The following HS3ST5 variants were observed in gnomAD, a reference collection of about 807,000 sequenced individuals.
HS3ST5 encodes heparan sulfate glucosamine 3-O-sulfotransferase 5.
In HS3ST5, 10 loss-of-function variants were observed where a neutral mutation model predicts 25.4. The ratio of observed to expected loss-of-function variants is 0.39; its 90% CI spans 0.24 to 0.67. The LOEUF (loss-of-function observed/expected upper bound fraction) is 0.67. Ranked by LOEUF, HS3ST5 falls within the 30% of genes least tolerant of loss-of-function variation. The pLI, the probability that HS3ST5 is intolerant of heterozygous loss-of-function variation, is 0.44. For synonymous variants in HS3ST5, 170 were observed against 162.4 expected (o/e 1.05, Z -0.36); for missense variants, 324 against 420.7 (o/e 0.77, Z 2.01).
At chr6:114,108,543 A>C (rs892425642) in intron 3 of HS3ST5, among the ~76,000 whole-genome samples, 8 of 152,044 alleles carry the variant, frequency 5.3e-5, no homozygotes, top group African/African-American at 1.9e-4. Context: ...CAGAAGGGAA[A>C]CCCTTTCCTC....
At chr6:114,251,588 T>C (rs1037428270) in intron 1 of HS3ST5, 11 of 152,242 alleles carry the variant, frequency 7.2e-5, no homozygotes, top group African/African-American at 2.7e-4. Flanking sequence ...TGGGCCCTGA[T>C]TGGCTTAAGC....
intron 2 of HS3ST5, among the ~76,000 whole-genome samples, chr6:114,168,974 T>C (rs1779344397): frequency 6.6e-6 from 1 of 152,180 alleles, no homozygotes; most frequent in Non-Finnish European, 1.5e-5. Flanking sequence ...AAGCTACCAG[T>C]AATTCTAATT....
intron 1 of HS3ST5, among the ~76,000 whole-genome samples, chr6:114,241,214 T>C (rs1280734942): frequency 6.8e-6 from 1 of 146,744 alleles, no homozygotes; most frequent in African/African-American, 2.5e-5. Flanking sequence ...TCAAATTCAA[T>C]AGACAATAAT....
intron 3 of HS3ST5, among the ~76,000 whole-genome samples, chr6:114,161,574 T>A (rs1192881202): frequency 4.4e-4 from 45 of 102,408 alleles, no homozygotes; most frequent in Non-Finnish European, 6.4e-4. Flanking sequence ...TATATATATA[T>A]AAAATGCAAT....
At chr6:114,205,617 A>G (rs920525401) in intron 2 of HS3ST5, among the ~76,000 whole-genome samples, 1 of 152,172 alleles carries the variant, frequency 6.6e-6, no homozygotes, top group African/African-American at 2.4e-5. Flanking sequence ...CTGGACATCA[A>G]CTGGTGGGGC....
intron 3 of HS3ST5, among the ~76,000 whole-genome samples, chr6:114,163,966 ATCTCCTTGAACTAATGTTCTGAAGAC>A (rs1291810193): frequency 1.3e-5 from 2 of 152,196 alleles, no homozygotes; most frequent in East Asian, 3.9e-4. Flanking sequence ...AGACAACAAA[ATCTCCTTGAACTAATGTTCTGAAGAC>A]TAAGAATGAT....
chr6:114,108,826 T>C (rs1442702223), intron 3 of HS3ST5, among the ~76,000 whole-genome samples: 2 of 152,196 alleles, frequency 1.3e-5, no homozygotes, highest in Non-Finnish European at 2.9e-5. Flanking sequence ...AATTAAAATA[T>C]GTGCCATTTA....
chr6:114,132,037 G>GT (rs1157300395), intron 3 of HS3ST5: 1 of 152,158 alleles, frequency 6.6e-6, no homozygotes, highest in African/African-American at 2.4e-5. Context: ...ATTTTAATTT[G>GT]TTTTTTGCAT....
chr6:114,244,464 T>A (rs2114600156), intron 1 of HS3ST5, among the ~76,000 whole-genome samples: 1 of 152,318 alleles, frequency 6.6e-6, no homozygotes, highest in East Asian at 1.9e-4. Context: ...ATAATGTATT[T>A]CATAGGTTCT....
At chr6:114,130,643 C>T (rs990245056) in intron 3 of HS3ST5, among the ~76,000 whole-genome samples, 8 of 152,252 alleles carry the variant, frequency 5.3e-5, no homozygotes, top group African/African-American at 1.7e-4. Context: ...AATCTCGGCT[C>T]ACTGCAAGCT....
intron 3 of HS3ST5, among the ~76,000 whole-genome samples, chr6:114,087,752 C>T (rs767517955): frequency 7.2e-5 from 11 of 152,122 alleles, no homozygotes; most frequent in African/African-American, 2.7e-4. Flanking sequence ...ACCTGTGAGT[C>T]GACCACCATG....
intron 3 of HS3ST5, among the ~76,000 whole-genome samples, chr6:114,096,600 T>G (rs1775439134): frequency 6.6e-6 from 1 of 152,172 alleles, no homozygotes; most frequent in African/African-American, 2.4e-5. Context: ...GTGCACAATT[T>G]GTGTGGTACA....
rs552655956 is a variant in HS3ST5 at position 114,100,890 on chromosome 6, A to G, written c.-32-38013T>C. On this transcript the variant is annotated intron_variant, in intron 3 of 4. Transcript: ENST00000312719. ...TCTCACAGTCAAGATGGAGGAGAAG[A>G]TTTGTGTAAAATTAAAGTGCTAGCT... 8.1e-4 allele frequency among the ~76,000 whole-genome samples: 123 copies of G among 152,328 alleles called. 1 individual carries two copies. The highest frequency in any genetic ancestry group is 2.9e-3 in the African/African-American group (122 of 41,568).
intron 3 of HS3ST5, among the ~76,000 whole-genome samples, chr6:114,110,267 T>A (rs1487497177): frequency 1.3e-5 from 2 of 152,012 alleles, no homozygotes; most frequent in Non-Finnish European, 2.9e-5. Context: ...CTATACATTA[T>A]TTTATTTCCC....
intron 2 of HS3ST5, among the ~76,000 whole-genome samples, chr6:114,217,843 T>C (rs545116439): frequency 6.6e-6 from 1 of 152,194 alleles, no homozygotes; most frequent in Non-Finnish European, 1.5e-5. Flanking sequence ...ATCAGAAAAC[T>C]CAGCCACAGA....
intron 2 of HS3ST5, among the ~76,000 whole-genome samples, chr6:114,194,268 A>G (rs1780638139): frequency 6.6e-6 from 1 of 152,204 alleles, no homozygotes; most frequent in Non-Finnish European, 1.5e-5. Flanking sequence ...TTAGCTGAAT[A>G]ATATTAAATA....
intron 2 of HS3ST5, among the ~76,000 whole-genome samples, chr6:114,200,007 G>C (rs1780938415): frequency 6.6e-6 from 1 of 152,222 alleles, no homozygotes; most frequent in East Asian, 1.9e-4. Flanking sequence ...GATCACCTGA[G>C]GTCAGGAGTT....
At chr6:114,213,340 C>T (rs370074541) in intron 2 of HS3ST5, among the ~76,000 whole-genome samples, 182 of 1,122 alleles carry the variant, frequency 0.16, no homozygotes, top group Non-Finnish European at 0.23. Flanking sequence ...AGGATGGCGG[C>T]GGGGGTGGGG....
At chr6:114,079,848 C>T (rs1394538304) in intron 3 of HS3ST5, among the ~76,000 whole-genome samples, 2 of 152,028 alleles carry the variant, frequency 1.3e-5, no homozygotes, top group Non-Finnish European at 2.9e-5. Context: ...CTCAGCTCAC[C>T]GCAACCTCCA....
Sources: gnomAD v4.1 joint callset for allele counts (sites outside exome capture counted in the v4.1 genomes callset) on GRCh38, gnomAD v4.1.1 for gene constraint, MANE v1.5 for transcripts, NCBI Gene and HGNC (gene_info 2026-07-23, HGNC 2026-07-21) for gene names.